The following CCDC178 variants were observed in gnomAD, a reference collection of about 807,000 sequenced individuals.
The protein encoded by CCDC178 is coiled-coil domain-containing protein 178.
In CCDC178, 126 loss-of-function variants were observed where a neutral mutation model predicts 117.4. That is an observed-to-expected ratio of 1.07 (90% confidence interval 0.93 to 1.24). CCDC178 has a LOEUF of 1.24. Among genes scored for constraint, CCDC178 ranks in the 50% most tolerant of loss-of-function variants. The pLI, the probability that CCDC178 is intolerant of heterozygous loss-of-function variation, is 0.00. For missense variants in CCDC178, 1,030 were observed against 986.9 expected, an observed-to-expected ratio of 1.04 and a Z score of -0.59; for synonymous variants, 283 against 313.4, an observed-to-expected ratio of 0.90 and a Z score of 1.02.
chr18:33,257,087 T>G (rs551636871), intron 14 of CCDC178, among the ~76,000 whole-genome samples: 7 of 152,118 alleles, frequency 4.6e-5, no homozygotes, highest in Non-Finnish European at 8.8e-5. Flanking sequence ...GTAAGTTCAT[T>G]TTTAAAAGCC....
intron 21 of CCDC178, among the ~76,000 whole-genome samples, chr18:33,012,086 T>C (rs2055882895): frequency 6.6e-6 from 1 of 152,222 alleles, no homozygotes; most frequent in South Asian, 2.1e-4. Flanking sequence ...CTTCTTGTTC[T>C]TCACATACCA....
At chr18:33,126,995 A>ATAT (rs1400030710) in intron 20 of CCDC178, among the ~76,000 whole-genome samples, 1 of 138,018 alleles carries the variant, frequency 7.2e-6, no homozygotes, top group African/African-American at 3.0e-5. Flanking sequence ...TTAAAAAAAA[A>ATAT]AAATATATAT....
At chr18:33,226,919 A>G in intron 15 of CCDC178, 64 bp from the exon 16 acceptor site, 2 of 788,750 alleles carry the variant, frequency 2.5e-6, no homozygotes, top group Non-Finnish European at 4.2e-6. Flanking sequence ...CATTTTTTAA[A>G]ACAATTGCTA....
intron 21 of CCDC178, among the ~76,000 whole-genome samples, chr18:32,979,842 T>G (rs2055109964): frequency 6.6e-6 from 1 of 152,144 alleles, no homozygotes; most frequent in African/African-American, 2.4e-5. Flanking sequence ...CTGTAGGAAT[T>G]AAGAGTAATA....
intron 10 of CCDC178, among the ~76,000 whole-genome samples, chr18:33,327,919 A>G (rs968186765): frequency 3.9e-5 from 6 of 152,052 alleles, no homozygotes; most frequent in African/African-American, 7.2e-5. Flanking sequence ...TGAGATACAT[A>G]TAATTTGCAA....
Position 33,328,083 on chromosome 18 carries a change from ATTTTTTTTTTTTTTTTTTTTT to A in CCDC178, c.880-4471_880-4451del, listed in dbSNP as rs771034112. On this transcript the variant is annotated intron_variant, in intron 10 of 22. Coordinates refer to ENST00000383096, the MANE Select transcript of CCDC178 (RefSeq NM_001105528.4). The stretch of plus-strand genomic sequence containing the variant: ...CAAGGTCATAAAGATTTATCCCTAG[ATTTTTTTTTTTTTTTTTTTTT>A]TTTTTTTTTTTTTTTTGAGACAGAG... 6.5e-3 allele frequency: 652 copies of A among 100,724 alleles called. 4 individuals carry two copies. Among genetic ancestry groups the A allele is most frequent in the Non-Finnish European group, 7.0e-3 (426 of 60,580 alleles). The allele number at this position is 100,724 out of a possible 1,614,324, so 6.2% of individuals were successfully genotyped here.
intron 15 of CCDC178, among the ~76,000 whole-genome samples, chr18:33,240,197 TA>T (rs928059283): frequency 3.3e-4 from 50 of 151,222 alleles, no homozygotes; most frequent in African/African-American, 1.2e-3. Context: ...CAAATAAAAA[TA>T]AAAAAATATA....
chr18:33,333,488 T>TAAGGA, intron 9 of CCDC178, 94 bp from the exon 10 acceptor site: 1 of 553,472 alleles, frequency 1.8e-6, no homozygotes, highest in Non-Finnish European at 2.9e-6. Context: ...AGAAATTCCT[T>TAAGGA]ATTTGTGAAT....
At chr18:33,259,604 A>G (rs1300399097) in intron 14 of CCDC178, among the ~76,000 whole-genome samples, 2 of 152,100 alleles carry the variant, frequency 1.3e-5, no homozygotes, top group East Asian at 3.9e-4. Flanking sequence ...GAATTCACTC[A>G]CTATCACGAG....
intron 10 of CCDC178, among the ~76,000 whole-genome samples, chr18:33,330,917 T>C (rs1464253474): frequency 1.3e-5 from 2 of 152,084 alleles, no homozygotes; most frequent in Non-Finnish European, 2.9e-5. Context: ...GTACATTTAT[T>C]GAAAACATCT....
intron 20 of CCDC178, among the ~76,000 whole-genome samples, chr18:33,128,207 C>T (rs950034225): frequency 3.3e-5 from 5 of 152,170 alleles, no homozygotes; most frequent in Non-Finnish European, 7.4e-5. Flanking sequence ...CATCTCTACA[C>T]TGACATTGTC....
chr18:33,106,221 C>G (rs1369467815), intron 20 of CCDC178, among the ~76,000 whole-genome samples: 1 of 151,580 alleles, frequency 6.6e-6, no homozygotes, highest in Non-Finnish European at 1.5e-5. Flanking sequence ...AGTGCCCTTT[C>G]CTACACTTAT....
Position 33,015,356 on chromosome 18 carries a change from G to A in CCDC178, c.2389-40675C>T, listed in dbSNP as rs192502330. Among the ~76,000 whole-genome samples, 3 of 152,118 alleles carry A rather than the reference G, an allele frequency of 2.0e-5. No homozygotes were observed. In the East Asian group the frequency reaches 5.8e-4, roughly 29 times the overall value. On this transcript the variant is annotated intron_variant, in intron 21 of 22. Coordinates refer to ENST00000383096, the MANE Select transcript of CCDC178 (RefSeq NM_001105528.4). ...AAGGCGGGGCAGATCACGAGGTCAG[G>A]AGACCGAGACCATCCTGGCTAACAC...
intron 21 of CCDC178, among the ~76,000 whole-genome samples, chr18:33,076,336 G>A (rs2057207494): frequency 6.6e-6 from 1 of 152,200 alleles, no homozygotes; most frequent in African/African-American, 2.4e-5. Context: ...TTGCTCTTAA[G>A]AAGATCGGTC....
intron 20 of CCDC178, among the ~76,000 whole-genome samples, chr18:33,164,695 T>C (rs901307974): frequency 3.9e-5 from 6 of 152,178 alleles, no homozygotes; most frequent in African/African-American, 1.2e-4. Context: ...TTCTCTTATC[T>C]GCTTCTAAAT....
In CCDC178 at chr18:33,267,002, A is replaced by G. The variant is rs369286882; in HGVS notation, c.1323T>C (p.Ala441=). 26 of 1,601,304 alleles carry G rather than the reference A, an allele frequency of 1.6e-5. No homozygotes were observed. The African/African-American group carries it at 3.5e-4, about 22-fold the overall frequency. Residue 441 remains alanine (A), a synonymous_variant, in exon 14 of 23, where the codon GCT becomes GCC. Coordinates refer to ENST00000383096, the MANE Select transcript of CCDC178 (RefSeq NM_001105528.4). Reference sequence around the variant, plus strand: ...TCAGTTTTGTACATGCCAAAGAAATAGCTGAAAAATCTTTTGCAACATCAG... The same window carrying G: ...TCAGTTTTGTACATGCCAAAGAAATGGCTGAAAAATCTTTTGCAACATCAG... The part of the protein sequence containing the change: ...ELSDVAKDFS[A]ISLACTKLTE...
At chr18:33,259,120 T>G (rs2059712705) in intron 14 of CCDC178, among the ~76,000 whole-genome samples, 1 of 152,168 alleles carries the variant, frequency 6.6e-6, no homozygotes, top group South Asian at 2.1e-4. Flanking sequence ...TTTATCTTTC[T>G]AATTTTATAT....
chr18:33,438,437 G>A (rs1163645808), intron 2 of CCDC178, among the ~76,000 whole-genome samples: 3 of 152,054 alleles, frequency 2.0e-5, no homozygotes, highest in African/African-American at 7.3e-5. Context: ...TTGTTCTAAT[G>A]TGAGTGGTCT....
intron 11 of CCDC178, among the ~76,000 whole-genome samples, chr18:33,316,638 T>TA (rs2144978711): frequency 1.3e-5 from 2 of 152,226 alleles, no homozygotes; most frequent in African/African-American, 4.8e-5. Flanking sequence ...AGTGGGGACT[T>TA]AGAGAACCTT....
Sources: allele counts gnomAD v4.1 joint callset (sites outside exome capture counted in the v4.1 genomes callset), GRCh38; gene constraint gnomAD v4.1.1; transcripts MANE v1.5; gene names NCBI Gene and HGNC (gene_info 2026-07-23, HGNC 2026-07-21).